ANP32E: variants seen among roughly 807,000 people sequenced by gnomAD.
ANP32E encodes acidic leucine-rich nuclear phosphoprotein 32 family member E.
In ANP32E, 14 loss-of-function variants were observed where a neutral mutation model predicts 35.3. The ratio of observed to expected loss-of-function variants is 0.40; its 90% CI spans 0.26 to 0.62. The LOEUF (loss-of-function observed/expected upper bound fraction) is 0.62. ANP32E is among the 20% of genes least tolerant of loss of function. The pLI, the probability that ANP32E is intolerant of heterozygous loss-of-function variation, is 0.45. For missense variants in ANP32E, 198 were observed against 304.4 expected (o/e 0.65, Z 2.60); for synonymous variants, 89 against 110.4 (o/e 0.81, Z 1.22).
chr1:150,232,583 G>A (rs1353396101), intron 1 of ANP32E, among the ~76,000 whole-genome samples: 3 of 147,670 alleles, frequency 2.0e-5, no homozygotes, highest in Non-Finnish European at 4.5e-5. Context: ...CAATTCTCCT[G>A]TCTCAGCCTC....
intron 1 of ANP32E, among the ~76,000 whole-genome samples, chr1:150,234,952 A>G (rs1472029803): frequency 1.3e-5 from 2 of 152,178 alleles, no homozygotes; most frequent in African/African-American, 4.8e-5. Flanking sequence ...TACGTCCCTT[A>G]TGTTGAGTTT....
chr1:150,232,141 G>A (rs1397733870), intron 1 of ANP32E, among the ~76,000 whole-genome samples: 1 of 151,512 alleles, frequency 6.6e-6, no homozygotes, highest in Non-Finnish European at 1.5e-5. Flanking sequence ...TCAGGAGATC[G>A]AGACCATCCC....
In ANP32E at chr1:150,220,434, T is replaced by C. The variant is rs1311692826; in HGVS notation, c.*257A>G. ...AAATGACTAATACAGTAAGCTTGAA[T>C]TTAAAAAATTAAGTCTAAATAAATT... On this transcript the variant is annotated 3_prime_UTR_variant, in exon 7 of 7. Transcript: ENST00000583931. 5 of 374,316 alleles carry C rather than the reference T, an allele frequency of 1.3e-5. No individual in the cohort carries two copies. Among genetic ancestry groups the C allele is most frequent in the Non-Finnish European group, 2.0e-5 (4 of 203,730 alleles). The allele number at this position is 374,316 out of a possible 1,614,324, so 23.2% of individuals were successfully genotyped here. A position where few individuals can be genotyped will look rare whatever the true frequency, so the allele number is the denominator to read the frequency against.
rs1230604102 is a variant in ANP32E at position 150,220,080 on chromosome 1, C to T, written c.*611G>A. ...AAATCTTATCAGTCACCACTAAATC[C>T]ATGAACCATATTACTGAATAGAACC... On this transcript the variant is annotated 3_prime_UTR_variant, in exon 7 of 7. Coordinates refer to ENST00000583931, the MANE Select transcript of ANP32E (RefSeq NM_030920.5). 4 of 151,952 alleles carry T rather than the reference C, an allele frequency of 2.6e-5. No homozygotes were observed. Among genetic ancestry groups the T allele is most frequent in the Non-Finnish European group, 5.9e-5 (4 of 68,010 alleles). The allele number at this position is 151,952 out of a possible 1,614,324, so 9.4% of individuals were successfully genotyped here.
In ANP32E at chr1:150,235,941, G is replaced by A; in HGVS notation, c.-155C>T. ...CCACCAGATAGGTGTGGGGGAGAAAGAAGAGAATAGCAAATGGAGTCCAAG... is the reference window on the plus strand; with the variant it reads ...CCACCAGATAGGTGTGGGGGAGAAAAAAGAGAATAGCAAATGGAGTCCAAG... On this transcript the variant is annotated 5_prime_UTR_variant, in exon 1 of 7. Transcript: ENST00000583931. The surrounding 1 kb of genome is among the most constrained non-coding windows in gnomAD (Gnocchi z 4.2). 1 of 619,516 alleles carries A rather than the reference G, an allele frequency of 1.6e-6. No individual in the cohort carries two copies. Among genetic ancestry groups the A allele is most frequent in the Non-Finnish European group, 2.9e-6 (1 of 348,420 alleles). 38.4% of individuals were successfully genotyped at this position (619,516 alleles called of 1,614,324 possible).
intron 5 of ANP32E, among the ~76,000 whole-genome samples, chr1:150,223,959 G>A (rs1433048721): frequency 1.3e-5 from 2 of 151,766 alleles, no homozygotes; most frequent in East Asian, 2.0e-4. Context: ...TGGTCAGGCT[G>A]GTCTCAAACT....
intron 1 of ANP32E, among the ~76,000 whole-genome samples, chr1:150,234,346 C>T (rs1371909195): frequency 6.6e-6 from 1 of 150,758 alleles, no homozygotes; most frequent in Non-Finnish European, 1.5e-5. Context: ...CTAGAAACTT[C>T]AAGTTATCTC....
At chr1:150,223,367 T>C in intron 5 of ANP32E, 127 bp from the exon 6 acceptor site, 2 of 1,278,628 alleles carry the variant, frequency 1.6e-6, no homozygotes, top group Non-Finnish European at 2.2e-6. Flanking sequence ...TCTGCCATTC[T>C]TATAAAGGTC....
intron 6 of ANP32E, 140 bp downstream of exon 6, chr1:150,223,046 T>A: frequency 2.8e-6 from 3 of 1,059,268 alleles, no homozygotes; most frequent in Non-Finnish European, 4.0e-6. Context: ...AGGCACTCTA[T>A]GATAAAGCAA....
chr1:150,234,483 C>T (rs1649618230), intron 1 of ANP32E: 4 of 660,776 alleles, frequency 6.1e-6, no homozygotes, highest in Non-Finnish European at 7.5e-6. Flanking sequence ...AAAGCCCAGA[C>T]AGACCCTGCT....
rs926421626 is a variant in ANP32E, at chr1:150,220,487, T to A, written c.*204A>T. 6 of 501,954 alleles carry A rather than the reference T, an allele frequency of 1.2e-5. No homozygotes were observed. The highest frequency in any genetic ancestry group is 1.8e-5 in the Non-Finnish European group (5 of 280,552). The allele number at this position is 501,954 out of a possible 1,614,324, so 31.1% of individuals were successfully genotyped here. A position where few individuals can be genotyped will look rare whatever the true frequency, so the allele number is the denominator to read the frequency against. ...TAGGGAATTCCACAATGGGAGTCAA[T>A]GAAAATTTTTCTCTACATACAATAT... On this transcript the variant is annotated 3_prime_UTR_variant, in exon 7 of 7. Transcript: ENST00000583931.
chr1:150,229,298 C>CTTTTTTTTTTT (rs368884324), intron 3 of ANP32E, 61 bp from the exon 4 acceptor site: 74 of 431,466 alleles, frequency 1.7e-4, no homozygotes, highest in East Asian at 4.8e-4. Context: ...TTTCTTTTTT[C>CTTTTTTTTTTT]TTTTTTTTTT....
intron 4 of ANP32E, 50 bp from the exon 5 acceptor site, chr1:150,226,845 C>T: frequency 6.5e-7 from 1 of 1,550,318 alleles, no homozygotes; most frequent in Non-Finnish European, 8.7e-7. Context: ...AATGTTTCTT[C>T]CTAGGATGTT....
At chr1:150,232,907 A>G (rs955832026) in intron 1 of ANP32E, among the ~76,000 whole-genome samples, 1 of 152,148 alleles carries the variant, frequency 6.6e-6, no homozygotes, top group Non-Finnish European at 1.5e-5. Context: ...ACATCAGATA[A>G]TATATTTATG....
At position 150,223,246 on chromosome 1, in the gene ANP32E, A is replaced by G; in HGVS notation, c.682-6T>C. Reference sequence around the variant, plus strand: ...TCATCATCATCTTCTTCATCCTTGAAATTCAAATATTCAGTTTGAAGATTG... The same window carrying G: ...TCATCATCATCTTCTTCATCCTTGAGATTCAAATATTCAGTTTGAAGATTG... On this transcript the variant is annotated splice_polypyrimidine_tract_variant and splice_region_variant and intron_variant, in intron 5 of 6. Coordinates refer to ENST00000583931, the MANE Select transcript of ANP32E (RefSeq NM_030920.5). 1 of 1,527,614 alleles carries G rather than the reference A, an allele frequency of 6.5e-7. No homozygotes were observed. The highest frequency in any genetic ancestry group is 8.9e-7 in the Non-Finnish European group (1 of 1,125,522). The allele number at this position is 1,527,614 out of a possible 1,614,324, so 94.6% of individuals were successfully genotyped here. A position where few individuals can be genotyped will look rare whatever the true frequency, so the allele number is the denominator to read the frequency against.
Position 150,221,590 on chromosome 1 carries a change from G to GA in ANP32E, c.737-830dup, listed in dbSNP as rs1553838007. On this transcript the variant is annotated intron_variant, in intron 6 of 6. Coordinates refer to ENST00000583931, the MANE Select transcript of ANP32E (RefSeq NM_030920.5). ...GGAAGGAGAGTGGGAGGAAGGGAGG[G>GA]AGGGAGGGAGGGAGGGAAGGAAGGA... Among the ~76,000 whole-genome samples the GA allele has an allele frequency of 3.6e-4, 17 of 47,776 alleles. 2 individuals carry two copies. In the East Asian group the frequency reaches 6.5e-3, roughly 18 times the overall value. 31.3% of individuals were successfully genotyped at this position (47,776 alleles called of 152,430 possible). A position where few individuals can be genotyped will look rare whatever the true frequency, so the allele number is the denominator to read the frequency against.
At chr1:150,230,332 C>A (rs1553841367) in intron 3 of ANP32E, among the ~76,000 whole-genome samples, 1 of 151,550 alleles carries the variant, frequency 6.6e-6, no homozygotes, top group East Asian at 1.9e-4. Context: ...AAAAAAAATA[C>A]TGGAAATGTT....
chr1:150,226,704 ATCCTCC>A lies in ANP32E; in HGVS notation c.579_584del (p.Glu193_Glu194del). 2 of 1,576,340 alleles carry A rather than the reference ATCCTCC, an allele frequency of 1.3e-6. No individual in the cohort carries two copies. The highest frequency in any genetic ancestry group is 1.7e-6 in the Non-Finnish European group (2 of 1,151,774). ...CATCTTCATCTTCATCCTCATCCTC[ATCCTCC>A]TCTTCCTCTTCCTCCTCCTCTTCCT... On this transcript the variant is annotated inframe_deletion, in exon 5 of 7. Coordinates refer to ENST00000583931, the MANE Select transcript of ANP32E (RefSeq NM_030920.5).
At chr1:150,232,739 C>T (rs1553842170) in intron 1 of ANP32E, among the ~76,000 whole-genome samples, 2 of 152,042 alleles carry the variant, frequency 1.3e-5, no homozygotes, top group African/African-American at 4.8e-5. Flanking sequence ...TCCCAAAGTG[C>T]TGGGATTACA....
Sources: allele counts gnomAD v4.1 joint callset (sites outside exome capture counted in the v4.1 genomes callset), GRCh38; gene constraint gnomAD v4.1.1; non-coding constraint Gnocchi (gnomAD v3.1); transcripts MANE v1.5; gene names NCBI Gene and HGNC (gene_info 2026-07-23, HGNC 2026-07-21).